Variants in PSMD14 observed in about 807,000 individuals in gnomAD.
PSMD14 encodes proteasome 26S subunit, non-ATPase 14.
A neutral mutation model predicts 41.2 loss-of-function variants in PSMD14; 7 were observed. The observed-to-expected ratio is 0.17, with a 90% CI of 0.10 to 0.32. The LOEUF is 0.32. PSMD14 is among the 10% of genes least tolerant of loss of function. The pLI is 1.00. For synonymous variants in PSMD14, 114 were observed against 122.3 expected, an observed-to-expected ratio of 0.93 and a Z score of 0.45; for missense variants, 139 against 375.6, an observed-to-expected ratio of 0.37 and a Z score of 5.21.
chr2:161,345,500 A>G (rs1683028818), intron 3 of PSMD14, among the ~76,000 whole-genome samples: 1 of 151,958 alleles, frequency 6.6e-6, no homozygotes, highest in Non-Finnish European at 1.5e-5. Flanking sequence ...ACCTCAAGCA[A>G]TCCGCCCACC....
chr2:161,339,904 T>TA (rs1682925593), intron 3 of PSMD14, among the ~76,000 whole-genome samples: 1 of 152,272 alleles, frequency 6.6e-6, no homozygotes, highest in African/African-American at 2.4e-5. Flanking sequence ...TCTATAAACT[T>TA]ACTGCTTTAA....
At chr2:161,403,737 C>T (rs1337876613) in intron 10 of PSMD14, among the ~76,000 whole-genome samples, 2 of 151,934 alleles carry the variant, frequency 1.3e-5, no homozygotes. Flanking sequence ...CTTTTTCTTG[C>T]TTCCTGGCCT....
intron 3 of PSMD14, among the ~76,000 whole-genome samples, chr2:161,364,922 A>G (rs1683338613): frequency 1.3e-5 from 2 of 152,112 alleles, no homozygotes; most frequent in East Asian, 1.9e-4. Context: ...TGGGCAACAC[A>G]GGGAAACCCC....
intron 3 of PSMD14, among the ~76,000 whole-genome samples, chr2:161,339,155 C>T (rs539191080): frequency 3.3e-5 from 5 of 152,194 alleles, no homozygotes; most frequent in African/African-American, 1.2e-4. Flanking sequence ...TGCTTAAATA[C>T]CTAGGATTAG....
chr2:161,387,427 C>T (rs1451164809), intron 8 of PSMD14, among the ~76,000 whole-genome samples: 1 of 151,908 alleles, frequency 6.6e-6, no homozygotes, highest in Non-Finnish European at 1.5e-5. Flanking sequence ...TAAGAGGGGC[C>T]TTGCTCCTAA....
chr2:161,407,728 G>A (rs951424223), intron 10 of PSMD14: 5 of 151,990 alleles, frequency 3.3e-5, no homozygotes, highest in African/African-American at 1.2e-4. Context: ...CCCTCACTGG[G>A]ATTTTGGTTC....
chr2:161,327,215 G>T (rs543989448), intron 3 of PSMD14, among the ~76,000 whole-genome samples: 25 of 152,284 alleles, frequency 1.6e-4, no homozygotes, highest in Non-Finnish European at 3.1e-4. Flanking sequence ...GCTGGGAAGA[G>T]GAGAGAATAG....
intron 3 of PSMD14, among the ~76,000 whole-genome samples, chr2:161,336,759 A>G (rs1682877626): frequency 6.6e-6 from 1 of 152,144 alleles, no homozygotes; most frequent in Non-Finnish European, 1.5e-5. Flanking sequence ...TATTTTTAAT[A>G]GAGATGGAGT....
At chr2:161,346,456 T>C (rs1328229356) in intron 3 of PSMD14, among the ~76,000 whole-genome samples, 1 of 151,758 alleles carries the variant, frequency 6.6e-6, no homozygotes, top group Non-Finnish European at 1.5e-5. Context: ...TTAACATCTT[T>C]GTCAGTGCTC....
intron 3 of PSMD14, among the ~76,000 whole-genome samples, chr2:161,363,746 T>C (rs1683322443): frequency 6.6e-6 from 1 of 152,190 alleles, no homozygotes; most frequent in African/African-American, 2.4e-5. Flanking sequence ...GGCATTCGAT[T>C]GGGATGTGGC....
chr2:161,327,884 AC>A lies in PSMD14; in HGVS notation c.48+9012del, dbSNP rs926007326. 4.6e-4 allele frequency among the ~76,000 whole-genome samples: 70 copies of A among 150,842 alleles called. 1 individual carries two copies. Among genetic ancestry groups the A allele is most frequent in the Non-Finnish European group, 7.5e-4 (51 of 67,596 alleles). On this transcript the variant is annotated intron_variant, in intron 3 of 11. Transcript: ENST00000409682. ...AAACAACTATTAGATTAGTTAAAAA[AC>A]AAACAAACCTGTGGAATTAAGTGTT... is the stretch of plus-strand genomic sequence containing the variant.
intron 3 of PSMD14, among the ~76,000 whole-genome samples, chr2:161,361,384 CAATT>C (rs907674609): frequency 6.6e-6 from 1 of 151,862 alleles, no homozygotes; most frequent in Non-Finnish European, 1.5e-5. Flanking sequence ...AAGATTATAA[CAATT>C]AGCCACAGAA....
chr2:161,403,766 A>G (rs915781633), intron 10 of PSMD14, among the ~76,000 whole-genome samples: 2 of 151,838 alleles, frequency 1.3e-5, no homozygotes, highest in Admixed American at 6.6e-5. Flanking sequence ...CCTTACTACT[A>G]TATTCCCATC....
chr2:161,340,598 T>A (rs1682937916), intron 3 of PSMD14, among the ~76,000 whole-genome samples: 1 of 151,986 alleles, frequency 6.6e-6, no homozygotes, highest in Non-Finnish European at 1.5e-5. Flanking sequence ...GGAACAGACA[T>A]GAACATCTCT....
intron 3 of PSMD14, among the ~76,000 whole-genome samples, chr2:161,361,550 C>T (rs1559047242): frequency 6.6e-6 from 1 of 151,654 alleles, no homozygotes; most frequent in Non-Finnish European, 1.5e-5. Context: ...TTTTATAACT[C>T]TAACATAATG....
intron 9 of PSMD14, 25 bp from the exon 10 acceptor site, chr2:161,395,053 A>T: frequency 6.4e-7 from 1 of 1,551,684 alleles, no homozygotes; most frequent in Non-Finnish European, 8.7e-7. Flanking sequence ...GCAGAAAAAG[A>T]ATTACTTTTT....
intron 3 of PSMD14, among the ~76,000 whole-genome samples, chr2:161,355,831 C>T (rs766562384): frequency 2.7e-4 from 41 of 152,242 alleles, no homozygotes; most frequent in Non-Finnish European, 5.4e-4. Flanking sequence ...TTGTTGGATC[C>T]GCAAACAGAA....
intron 9 of PSMD14, among the ~76,000 whole-genome samples, chr2:161,393,040 A>G (rs551338787): frequency 6.6e-6 from 1 of 152,272 alleles, no homozygotes; most frequent in South Asian, 2.1e-4. Context: ...TATGTTCTTA[A>G]TAGCTCAGTT....
intron 1 of PSMD14, among the ~76,000 whole-genome samples, chr2:161,315,877 CTT>C (rs1689142309): frequency 8.2e-6 from 1 of 121,366 alleles, no homozygotes; most frequent in African/African-American, 3.2e-5. Flanking sequence ...GAGTTTCACT[CTT>C]GTTGCCCAGG....
Sources: allele counts gnomAD v4.1 joint callset (sites outside exome capture counted in the v4.1 genomes callset), GRCh38; gene constraint gnomAD v4.1.1; transcripts MANE v1.5; gene names NCBI Gene and HGNC (gene_info 2026-07-23, HGNC 2026-07-21).